CEP135: variants seen among roughly 807,000 people sequenced by gnomAD.
CEP135 encodes the protein centrosomal protein of 135 kDa.
CEP135 carries 142 observed loss-of-function variants against 157.3 expected under a neutral mutation model. The observed-to-expected ratio is 0.90, with a 90% CI of 0.79 to 1.04. The LOEUF (loss-of-function observed/expected upper bound fraction) is 1.04, where lower values mean the gene tolerates loss of function less well. Among genes scored for constraint, CEP135 ranks in the 50% least tolerant of loss-of-function variants. CEP135 has a pLI of 0.00. For missense variants in CEP135, 1,317 were observed against 1,309.2 expected, an observed-to-expected ratio of 1.01 and a Z score of -0.09; for synonymous variants, 396 against 439.8, an observed-to-expected ratio of 0.90 and a Z score of 1.25.
rs781247883 is a variant in CEP135 at position 55,981,300 on chromosome 4, T to C, written c.1700T>C (p.Met567Thr). 2 of 1,597,972 alleles carry C rather than the reference T, an allele frequency of 1.3e-6. No homozygotes were observed. Among genetic ancestry groups the C allele is most frequent in the Non-Finnish European group, 1.7e-6 (2 of 1,175,046 alleles). ...TTAPHNIVSL[M>T]EKEKELALSD... ...GCACCCCATAATATTGTTAGTCTTATGGAAAAGGAAAAAGAACTTGCGTTA... is the reference window on the plus strand; with the variant it reads ...GCACCCCATAATATTGTTAGTCTTACGGAAAAGGAAAAAGAACTTGCGTTA... Residue 567 changes from methionine to threonine, a missense_variant, in exon 13 of 26, where the codon ATG (methionine) becomes ACG (threonine). Physicochemically the swap from Met to Thr is moderately conservative, Grantham distance 81. Coordinates refer to ENST00000257287, the MANE Select transcript of CEP135 (RefSeq NM_025009.5).
chr4:55,982,313 A>G (rs1729438990), intron 13 of CEP135, among the ~76,000 whole-genome samples: 2 of 152,228 alleles, frequency 1.3e-5, no homozygotes, highest in East Asian at 3.9e-4. Flanking sequence ...ATATATTTTC[A>G]TTTCTCTTGG....
chr4:55,956,126 A>G (rs1015563807), intron 4 of CEP135, among the ~76,000 whole-genome samples: 8 of 152,164 alleles, frequency 5.3e-5, no homozygotes, highest in African/African-American at 1.9e-4. Context: ...AGCTTTGTTC[A>G]GGTGTGTGAA....
At chr4:55,962,730 C>CTTTTTTTTTTTTTTTTTTTTTTT (rs56378859) in intron 6 of CEP135, among the ~76,000 whole-genome samples, 2 of 125,370 alleles carry the variant, frequency 1.6e-5, no homozygotes, top group Non-Finnish European at 3.4e-5. Context: ...TTTTAAGCCT[C>CTTTTTTTTTTTTTTTTTTTTTTT]TTTTTTTTTT....
intron 15 of CEP135, among the ~76,000 whole-genome samples, chr4:55,997,080 A>C (rs1414226003): frequency 6.6e-6 from 1 of 152,204 alleles, no homozygotes; most frequent in Non-Finnish European, 1.5e-5. Context: ...AAGCTAAGAA[A>C]CTGGTTCATT....
intron 20 of CEP135, 108 bp downstream of exon 20, chr4:56,011,630 TCTACTGC>T (rs1730587136): frequency 1.0e-6 from 1 of 964,470 alleles, no homozygotes; most frequent in African/African-American, 1.7e-5. Flanking sequence ...AGAGATCTTG[TCTACTGC>T]CTTTTTCTAT....
intron 10 of CEP135, among the ~76,000 whole-genome samples, chr4:55,973,808 G>T (rs1397732461): frequency 1.3e-5 from 2 of 152,112 alleles, no homozygotes; most frequent in Non-Finnish European, 2.9e-5. Context: ...GTCCACTCCA[G>T]TTGGCTTCTG....
intron 14 of CEP135, among the ~76,000 whole-genome samples, chr4:55,988,436 G>A (rs1729672682): frequency 6.6e-6 from 1 of 152,008 alleles, no homozygotes; most frequent in South Asian, 2.1e-4. Flanking sequence ...GAGGCAGGAG[G>A]ATCACTTGAG....
At chr4:56,028,139 G>T (rs1481427207) in intron 25 of CEP135, among the ~76,000 whole-genome samples, 1 of 152,116 alleles carries the variant, frequency 6.6e-6, no homozygotes, top group Admixed American at 6.6e-5. Flanking sequence ...AGACACCTGG[G>T]TTGTTTCTAT....
At position 55,990,566 on chromosome 4, in the gene CEP135, GCTCA is replaced by G. The variant is rs1729751006; in HGVS notation, c.1858-1365_1858-1362del. ...GCCGGAGTGCTGTTGTATGATCATA[GCTCA>G]CTGCCTCCTCCAACTCCTGGGCTCA... On this transcript the variant is annotated intron_variant, in intron 14 of 25. Transcript: ENST00000257287. Among the ~76,000 whole-genome samples the G allele has an allele frequency of 2.6e-5, 4 of 152,020 alleles. 1 individual carries two copies. Among genetic ancestry groups the G allele is most frequent in the Non-Finnish European group, 5.9e-5 (4 of 68,014 alleles).
intron 6 of CEP135, among the ~76,000 whole-genome samples, chr4:55,962,641 T>C (rs1311831750): frequency 6.6e-6 from 1 of 152,082 alleles, no homozygotes; most frequent in Admixed American, 6.6e-5. Context: ...TTTCTTGACC[T>C]ACTCTGTGGT....
At chr4:56,001,474 T>TA (rs1427612154) in intron 17 of CEP135, among the ~76,000 whole-genome samples, 1 of 152,206 alleles carries the variant, frequency 6.6e-6, no homozygotes, top group African/African-American at 2.4e-5. Flanking sequence ...ATTCTGTATA[T>TA]GGTTATCCAG....
chr4:56,005,530 G>A (rs773782132), intron 17 of CEP135, among the ~76,000 whole-genome samples: 14 of 152,114 alleles, frequency 9.2e-5, no homozygotes, highest in Non-Finnish European at 1.5e-4. Context: ...TTAATTTACA[G>A]ATTTGTATAT....
Position 55,952,881 on chromosome 4 carries a change from A to AG in CEP135, c.114-203dup, listed in dbSNP as rs150914731. Among the ~76,000 whole-genome samples, 355 of 152,360 alleles carry AG rather than the reference A, an allele frequency of 2.3e-3. 1 individual carries two copies. Among genetic ancestry groups the AG allele is most frequent in the African/African-American group, 8.2e-3 (342 of 41,576 alleles). On this transcript the variant is annotated intron_variant, in intron 2 of 25. Coordinates refer to ENST00000257287, the MANE Select transcript of CEP135 (RefSeq NM_025009.5). ...GTTGTGCTACAGTGTTACAATGGCC[A>AG]GATCTCATGAGGCAATAGGAATTTT...
intron 25 of CEP135, among the ~76,000 whole-genome samples, chr4:56,025,571 T>C (rs1012567904): frequency 3.3e-5 from 5 of 152,092 alleles, no homozygotes; most frequent in Non-Finnish European, 7.4e-5. Context: ...TGGACTTTAT[T>C]CTGTAAGTCA....
intron 12 of CEP135, among the ~76,000 whole-genome samples, chr4:55,980,546 A>G (rs370233403): frequency 2.6e-5 from 4 of 152,106 alleles, no homozygotes; most frequent in African/African-American, 9.7e-5. Flanking sequence ...TTCTTTTTCT[A>G]AAACTACCTG....
chr4:55,974,836 T>A lies in CEP135; in HGVS notation c.1340T>A (p.Leu447Gln). ...TCACCTTCTCGTTTAGATACATTTCTGAAAGGTATAGAAGAAGAACGAGAT... is the reference window on the plus strand; with the variant it reads ...TCACCTTCTCGTTTAGATACATTTCAGAAAGGTATAGAAGAAGAACGAGAT... ...DRSPSRLDTF[L>Q]KGIEEERDYY... Residue 447 changes from leucine to glutamine, a missense_variant, in exon 11 of 26, where the codon CTG becomes CAG. Transcript: ENST00000257287. The A allele has an allele frequency of 6.2e-7, 1 of 1,613,858 alleles. No individual in the cohort carries two copies.
At chr4:55,986,124 C>T (rs114983220) in intron 14 of CEP135, among the ~76,000 whole-genome samples, 1,709 of 152,184 alleles carry the variant, frequency 0.011, 20 homozygotes, top group Non-Finnish European at 0.015. Context: ...GTACTTACTC[C>T]TTAGGGTTTT....
intron 25 of CEP135, among the ~76,000 whole-genome samples, chr4:56,029,114 G>C (rs913417977): frequency 1.3e-5 from 2 of 152,170 alleles, no homozygotes; most frequent in African/African-American, 4.8e-5. Flanking sequence ...ACAGGCAAGT[G>C]GAAGGGATGC....
intron 13 of CEP135, among the ~76,000 whole-genome samples, chr4:55,981,647 T>C (rs1729413975): frequency 6.6e-6 from 1 of 152,174 alleles, no homozygotes; most frequent in African/African-American, 2.4e-5. Context: ...ACAGAAAAAG[T>C]TTGCCAATCC....
Sources: allele counts gnomAD v4.1 joint callset (sites outside exome capture counted in the v4.1 genomes callset), GRCh38; gene constraint gnomAD v4.1.1; transcripts MANE v1.5; gene names NCBI Gene and HGNC (gene_info 2026-07-23, HGNC 2026-07-21).